Variants in GALNTL6 observed in about 807,000 individuals in gnomAD.
GALNTL6 encodes the protein polypeptide N-acetylgalactosaminyltransferase-like 6.
GALNTL6 carries 46 observed loss-of-function variants against 73.7 expected under a neutral mutation model. The ratio of observed to expected loss-of-function variants is 0.62; its 90% confidence interval spans 0.49 to 0.80. The LOEUF (loss-of-function observed/expected upper bound fraction) is 0.80, where lower values mean the gene tolerates loss of function less well. Among genes scored for constraint, GALNTL6 ranks in the 30% least tolerant of loss-of-function variants. The pLI, the probability that GALNTL6 is intolerant of heterozygous loss-of-function variation, is 0.00. For synonymous variants in GALNTL6, 259 were observed against 263.7 expected (o/e 0.98, Z 0.17); for missense variants, 604 against 755.0 (o/e 0.80, Z 2.34).
intron 3 of GALNTL6, among the ~76,000 whole-genome samples, chr4:172,260,999 G>A (rs932099026): frequency 6.6e-6 from 1 of 151,392 alleles, no homozygotes; most frequent in Non-Finnish European, 1.5e-5. Flanking sequence ...ATTGGATTTG[G>A]TTAGCTAATA....
At chr4:172,726,349 G>T (rs1735804704) in intron 5 of GALNTL6, among the ~76,000 whole-genome samples, 1 of 152,084 alleles carries the variant, frequency 6.6e-6, no homozygotes, top group South Asian at 2.1e-4. Flanking sequence ...TAAAGTACCC[G>T]CGGTAGGACA....
At chr4:171,994,113 CA>C (rs769105978) in intron 2 of GALNTL6, among the ~76,000 whole-genome samples, 8 of 151,824 alleles carry the variant, frequency 5.3e-5, no homozygotes, top group African/African-American at 9.7e-5. Context: ...TTGTTTTTCT[CA>C]ATTAATTTTT....
At chr4:171,895,485 G>T (rs1736884167) in intron 2 of GALNTL6, among the ~76,000 whole-genome samples, 1 of 152,178 alleles carries the variant, frequency 6.6e-6, no homozygotes, top group Non-Finnish European at 1.5e-5. Flanking sequence ...TATGCATAAA[G>T]CAGAGTCAGA....
chr4:171,950,769 C>T (rs973597320), intron 2 of GALNTL6, among the ~76,000 whole-genome samples: 9 of 152,040 alleles, frequency 5.9e-5, no homozygotes, highest in African/African-American at 1.7e-4. Flanking sequence ...TGAGCCACAA[C>T]GCCCAGCCAG....
At chr4:171,953,234 G>A (rs1453930986) in intron 2 of GALNTL6, among the ~76,000 whole-genome samples, 3 of 141,042 alleles carry the variant, frequency 2.1e-5, no homozygotes, top group Admixed American at 7.0e-5. Context: ...ACGTGTGTGT[G>A]TGTGTGTGTG....
At chr4:172,470,451 A>G (rs1003898019) in intron 5 of GALNTL6, among the ~76,000 whole-genome samples, 2 of 152,224 alleles carry the variant, frequency 1.3e-5, no homozygotes, top group Admixed American at 1.3e-4. Context: ...GATATTGAAC[A>G]TACCATCAGC....
chr4:172,768,108 T>A (rs985314014), intron 5 of GALNTL6, among the ~76,000 whole-genome samples: 1 of 152,228 alleles, frequency 6.6e-6, no homozygotes, highest in African/African-American at 2.4e-5. Flanking sequence ...GAAAGGATAA[T>A]TCCCTTTTAG....
At chr4:172,080,861 G>T (rs542723033) in intron 2 of GALNTL6, among the ~76,000 whole-genome samples, 1 of 151,484 alleles carries the variant, frequency 6.6e-6, no homozygotes, top group Non-Finnish European at 1.5e-5. Flanking sequence ...ATTTTATATT[G>T]TAGTATATAA....
intron 2 of GALNTL6, among the ~76,000 whole-genome samples, chr4:171,828,823 A>G (rs770498247): frequency 6.6e-6 from 1 of 152,000 alleles, no homozygotes; most frequent in African/African-American, 2.4e-5. Context: ...GGGTTTCACT[A>G]TGGTCTAGTT....
chr4:172,411,950 TACATGGTGATAC>T (rs1744454803), intron 5 of GALNTL6, among the ~76,000 whole-genome samples: 1 of 151,956 alleles, frequency 6.6e-6, no homozygotes, highest in Non-Finnish European at 1.5e-5. Flanking sequence ...TATAGCACAT[TACATGGTGATAC>T]TCTTAAGAAG....
intron 9 of GALNTL6, among the ~76,000 whole-genome samples, chr4:172,936,999 A>G (rs745466637): frequency 3.3e-5 from 5 of 152,062 alleles, no homozygotes; most frequent in Non-Finnish European, 5.9e-5. Context: ...AAACTGGAGC[A>G]GCCTGGGCAT....
At chr4:172,797,497 A>G (rs561328797) in intron 5 of GALNTL6, among the ~76,000 whole-genome samples, 21 of 152,100 alleles carry the variant, frequency 1.4e-4, no homozygotes, top group African/African-American at 4.8e-4. Context: ...CGCCCGCCTC[A>G]GCCTCCCAAA....
chr4:171,919,304 A>C (rs1321080848), intron 2 of GALNTL6, among the ~76,000 whole-genome samples: 1 of 151,314 alleles, frequency 6.6e-6, no homozygotes, highest in African/African-American at 2.4e-5. Flanking sequence ...TTATCCACAC[A>C]AGCAGAAAAA....
At chr4:172,196,414 G>C (rs1273608146) in intron 2 of GALNTL6, among the ~76,000 whole-genome samples, 1 of 152,112 alleles carries the variant, frequency 6.6e-6, no homozygotes, top group Non-Finnish European at 1.5e-5. Context: ...GCAAATAATT[G>C]ATTAGGAGGG....
chr4:172,818,994 A>G (rs373164567), intron 7 of GALNTL6, among the ~76,000 whole-genome samples: 1 of 152,204 alleles, frequency 6.6e-6, no homozygotes, highest in East Asian at 1.9e-4. Flanking sequence ...TCTAGCCTTC[A>G]AATGTCCCTA....
intron 5 of GALNTL6, among the ~76,000 whole-genome samples, chr4:172,476,836 G>T (rs982307320): frequency 6.6e-6 from 1 of 151,500 alleles, no homozygotes; most frequent in East Asian, 1.9e-4. Context: ...CTGAATTTGT[G>T]TAGTATTTAG....
At chr4:171,977,485 T>C (rs1739755917) in intron 2 of GALNTL6, among the ~76,000 whole-genome samples, 1 of 152,172 alleles carries the variant, frequency 6.6e-6, no homozygotes, top group African/African-American at 2.4e-5. Context: ...CCTTGGGGTG[T>C]AGATGGCTGT....
chr4:172,417,373 A>G (rs1370010543), intron 5 of GALNTL6, among the ~76,000 whole-genome samples: 1 of 152,160 alleles, frequency 6.6e-6, no homozygotes, highest in Non-Finnish European at 1.5e-5. Flanking sequence ...CTGGCTAAAT[A>G]TCTTTTTTCA....
chr4:172,839,173 G>T (rs1340061209), intron 7 of GALNTL6, among the ~76,000 whole-genome samples: 2 of 152,202 alleles, frequency 1.3e-5, no homozygotes, highest in African/African-American at 2.4e-5. Context: ...TTTGGGAGGG[G>T]CCCCAAGGTT....
Sources: gnomAD v4.1 joint callset for allele counts (sites outside exome capture counted in the v4.1 genomes callset) on GRCh38, gnomAD v4.1.1 for gene constraint, MANE v1.5 for transcripts, NCBI Gene and HGNC (gene_info 2026-07-23, HGNC 2026-07-21) for gene names.